ALPK1: variants seen among roughly 807,000 people sequenced by gnomAD.
ALPK1 encodes alpha-protein kinase 1.
A neutral mutation model predicts 120.6 loss-of-function variants in ALPK1; 110 were observed. The ratio of observed to expected loss-of-function variants is 0.91; its 90% CI spans 0.78 to 1.07. The LOEUF (loss-of-function observed/expected upper bound fraction) is 1.07, where lower values mean the gene tolerates loss of function less well. Among genes scored for constraint, ALPK1 ranks in the 50% least tolerant of loss-of-function variants. ALPK1 has a pLI of 0.00. For missense variants in ALPK1, 1,498 were observed against 1,483.9 expected, an observed-to-expected ratio of 1.01 and a Z score of -0.16; for synonymous variants, 582 against 560.3, an observed-to-expected ratio of 1.04 and a Z score of -0.55.
At chr4:112,347,756 T>C (rs1020378584) in intron 2 of ALPK1, among the ~76,000 whole-genome samples, 1 of 152,240 alleles carries the variant, frequency 6.6e-6, no homozygotes, top group Non-Finnish European at 1.5e-5. Context: ...TCTTATTTGA[T>C]GCATTAAACT....
chr4:112,326,393 T>C (rs1298724965), intron 2 of ALPK1, among the ~76,000 whole-genome samples: 1 of 152,146 alleles, frequency 6.6e-6, no homozygotes, highest in East Asian at 1.9e-4. Context: ...ATAAAGATGG[T>C]CTACAGAGAG....
intron 3 of ALPK1, among the ~76,000 whole-genome samples, chr4:112,381,529 G>A (rs1396705799): frequency 6.6e-6 from 1 of 152,188 alleles, no homozygotes; most frequent in Non-Finnish European, 1.5e-5. Context: ...GGCATCACAT[G>A]TGTACTTCAG....
intron 2 of ALPK1, among the ~76,000 whole-genome samples, chr4:112,350,504 C>T (rs966676327): frequency 6.6e-6 from 1 of 152,210 alleles, no homozygotes; most frequent in African/African-American, 2.4e-5. Flanking sequence ...AGCGCATTTC[C>T]GTTGCCTCAC....
In ALPK1 at chr4:112,372,412, C is replaced by T. The variant is rs146999300; in HGVS notation, c.-100-5266C>T. Among the ~76,000 whole-genome samples, 497 of 152,166 alleles carry T rather than the reference C, an allele frequency of 3.3e-3. 2 individuals are homozygous for T. Among genetic ancestry groups the T allele is most frequent in the African/African-American group, 0.012 (480 of 41,536 alleles). ...TATTTTTAGTAAAGACCGGGTTTCT[C>T]CGTAGCCAGGATGGTCTCAATCTCC... On this transcript the variant is annotated intron_variant, in intron 2 of 15. Transcript: ENST00000650871.
At position 112,382,446 on chromosome 4, in the gene ALPK1, T is replaced by G. The variant is rs1301393698; in HGVS notation, c.170T>G (p.Met57Arg). 2.5e-6 allele frequency: 4 copies of G among 1,613,962 alleles called. No individual in the cohort carries two copies. The highest frequency in any genetic ancestry group is 3.3e-5 in the Admixed American group (2 of 59,988). The change falls in exon 4 of 16, where the codon ATG becomes AGG. Residue 57 changes from methionine (M) to arginine (R), a missense_variant. By Grantham distance (91) the Met-to-Arg change is moderately conservative (BLOSUM62 -1). Transcript: ENST00000650871. ...ACCCTGATCCAGGAGGCAAAGGAAA[T>G]GAAGTGGCCCTTCGTGCCTGAAAAG... ...LRTLIQEAKEMKWPFVPEKWQ... is the reference protein window; with the variant it reads ...LRTLIQEAKERKWPFVPEKWQ...
At chr4:112,358,523 C>A in intron 2 of ALPK1, 1 of 679,406 alleles carries the variant, frequency 1.5e-6, no homozygotes. Flanking sequence ...TGCTGGGGAC[C>A]CGGAGGGCAG....
intron 2 of ALPK1, among the ~76,000 whole-genome samples, chr4:112,354,280 A>T (rs1323121642): frequency 2.6e-5 from 4 of 151,478 alleles, no homozygotes; most frequent in Non-Finnish European, 5.9e-5. Context: ...AATGAAAGGT[A>T]TTCTCCGTTA....
intron 2 of ALPK1, chr4:112,358,541 A>G (rs1730756912): frequency 4.3e-6 from 3 of 697,296 alleles, no homozygotes; most frequent in Non-Finnish European, 7.8e-6. Flanking sequence ...CAGCCTGTAT[A>G]TGGAGTATGA....
chr4:112,431,495 C>G lies in ALPK1; in HGVS notation c.1948C>G (p.Leu650Val). 1 of 1,614,208 alleles carries G rather than the reference C, an allele frequency of 6.2e-7. No homozygotes were observed. The highest frequency in any genetic ancestry group is 1.1e-5 in the South Asian group (1 of 91,086). ...SLHSQLHDLS[L>V]QEPNNDNLEP... is the part of the protein sequence containing the mutation. ...GCATTCACAGCTTCATGATCTCTCT[C>G]TTCAGGAACCCAACAATGACAATTT... is the stretch of plus-strand genomic sequence containing the variant. The change falls in exon 11 of 16, where the codon CTT (leucine) becomes GTT (valine). Residue 650 changes from leucine (L) to valine (V), a missense_variant. Leu to Val is a conservative substitution (Grantham distance 32). Transcript: ENST00000650871.
At chr4:112,316,623 C>G (rs371009944) in intron 2 of ALPK1, among the ~76,000 whole-genome samples, 1 of 152,164 alleles carries the variant, frequency 6.6e-6, no homozygotes, top group East Asian at 1.9e-4. Flanking sequence ...TCTCCACATC[C>G]TTTCCAACAT....
chr4:112,311,516 A>G (rs1046057835), intron 1 of ALPK1, among the ~76,000 whole-genome samples: 17 of 152,260 alleles, frequency 1.1e-4, no homozygotes, highest in Admixed American at 3.9e-4. Context: ...TGCGCACTTA[A>G]TCCATTCTAA....
chr4:112,338,871 C>G (rs1360333326), intron 2 of ALPK1, among the ~76,000 whole-genome samples: 1 of 152,204 alleles, frequency 6.6e-6, no homozygotes, highest in African/African-American at 2.4e-5. Flanking sequence ...TAACTGGTCA[C>G]CTACCTCATG....
At chr4:112,345,077 G>A (rs1730047300) in intron 2 of ALPK1, among the ~76,000 whole-genome samples, 1 of 152,198 alleles carries the variant, frequency 6.6e-6, no homozygotes, top group East Asian at 1.9e-4. Flanking sequence ...AATAATAGAA[G>A]TGTGTTGGTT....
intron 2 of ALPK1, among the ~76,000 whole-genome samples, chr4:112,332,700 CT>C (rs1361042634): frequency 1.3e-5 from 2 of 152,152 alleles, no homozygotes; most frequent in African/African-American, 4.8e-5. Flanking sequence ...AGGATGAATG[CT>C]TGGACCCAGA....
chr4:112,343,977 TAC>T (rs1358513550), intron 2 of ALPK1, among the ~76,000 whole-genome samples: 1 of 152,172 alleles, frequency 6.6e-6, no homozygotes, highest in Non-Finnish European at 1.5e-5. Flanking sequence ...CCCTGCAATT[TAC>T]ACACACTGTA....
Position 112,432,263 on chromosome 4 carries a change from A to G in ALPK1, c.2716A>G (p.Thr906Ala), listed in dbSNP as rs1252278718. Residue 906 changes from threonine (T) to alanine (A), a missense_variant, in exon 11 of 16, where the codon ACT becomes GCT. Coordinates refer to ENST00000650871, the MANE Select transcript of ALPK1 (RefSeq NM_025144.4). ...ILFPVLSEDC[T>A]TTEEGNQPGN... ...CTTCCCTGTCCTCAGCGAGGACTGC[A>G]CTACCACAGAGGAAGGAAATCAGCC... 6.8e-6 allele frequency: 11 copies of G among 1,614,090 alleles called. No individual in the cohort carries two copies. The Admixed American group carries it at 1.8e-4, about 27-fold the overall frequency.
intron 1 of ALPK1, among the ~76,000 whole-genome samples, chr4:112,314,504 T>C (rs369466426): frequency 6.6e-6 from 1 of 152,226 alleles, no homozygotes; most frequent in East Asian, 1.9e-4. Flanking sequence ...AGTGAATGAC[T>C]GAGGTTGTGT....
chr4:112,438,462 T>C (rs2148767424), intron 12 of ALPK1, 22 bp from the exon 13 acceptor site: 1 of 1,608,472 alleles, frequency 6.2e-7, no homozygotes, highest in Non-Finnish European at 8.5e-7. Context: ...CATTTTGTTG[T>C]GTGGATTTTC....
chr4:112,324,048 C>T (rs1368263377), intron 2 of ALPK1, among the ~76,000 whole-genome samples: 1 of 151,900 alleles, frequency 6.6e-6, no homozygotes, highest in Non-Finnish European at 1.5e-5. Flanking sequence ...CTGCTCTTGG[C>T]CAGGCGTGGT....
Sources: allele counts gnomAD v4.1 joint callset (sites outside exome capture counted in the v4.1 genomes callset), GRCh38; gene constraint gnomAD v4.1.1; transcripts MANE v1.5; gene names NCBI Gene and HGNC (gene_info 2026-07-23, HGNC 2026-07-21).